The following NBAS variants were observed in gnomAD, a reference collection of about 807,000 sequenced individuals.
NBAS encodes the protein NAG/BC035112 fusion.
NBAS carries 219 observed loss-of-function variants against 302.5 expected under a neutral mutation model. The ratio of observed to expected loss-of-function variants is 0.72; its 90% CI spans 0.65 to 0.81. The LOEUF (loss-of-function observed/expected upper bound fraction) is 0.81, where lower values mean the gene tolerates loss of function less well. Ranked by LOEUF, NBAS falls within the 30% of genes least tolerant of loss-of-function variation. The pLI is 0.00. For missense variants in NBAS, 2,932 were observed against 2,841.6 expected (o/e 1.03, Z -0.72); for synonymous variants, 1,118 against 1,021.6 (o/e 1.09, Z -1.80).
chr2:15,071,345 G>A, the NBAS span, among the ~76,000 whole-genome samples: 2 of 152,312 alleles, frequency 1.3e-5, no homozygotes, highest in African/African-American at 2.4e-5. Flanking sequence ...CCACAAAGGG[G>A]CCGGGCGCGG....
chr2:14,874,453 C>G, the NBAS span, among the ~76,000 whole-genome samples: 1 of 142,264 alleles, frequency 7.0e-6, no homozygotes, highest in Non-Finnish European at 1.5e-5. Flanking sequence ...GGTGAAACCC[C>G]GTCTCTACTT....
intron 42 of NBAS, 96 bp from the exon 43 acceptor site, chr2:15,277,197 TC>T: frequency 6.9e-7 from 1 of 1,445,302 alleles, no homozygotes; most frequent in Non-Finnish European, 9.4e-7. Flanking sequence ...TTCTTATAGC[TC>T]CCTTCTTCCT....
intron 28 of NBAS, among the ~76,000 whole-genome samples, chr2:15,388,334 T>C (rs1296223675): frequency 1.3e-5 from 2 of 152,152 alleles, no homozygotes; most frequent in African/African-American, 4.8e-5. Context: ...AGGTATTTAA[T>C]GTGTTGATAC....
At chr2:15,160,349 G>A in the NBAS span, among the ~76,000 whole-genome samples, 1 of 152,222 alleles carries the variant, frequency 6.6e-6, no homozygotes, top group South Asian at 2.1e-4. Context: ...GGCAGGCGAT[G>A]AGAGAGAGAG....
the NBAS span, among the ~76,000 whole-genome samples, chr2:15,030,235 G>T: frequency 5.3e-5 from 8 of 152,274 alleles, no homozygotes; most frequent in African/African-American, 1.9e-4. Flanking sequence ...GCCTAGCAAT[G>T]AAAAAACAGG....
the NBAS span, among the ~76,000 whole-genome samples, chr2:14,837,258 T>C: frequency 4.6e-5 from 7 of 152,000 alleles, no homozygotes; most frequent in South Asian, 1.2e-3. Context: ...TTGTAGTAGA[T>C]GCCTATGCAA....
the NBAS span, among the ~76,000 whole-genome samples, chr2:14,831,023 G>A: frequency 1.3e-5 from 2 of 152,120 alleles, no homozygotes; most frequent in Non-Finnish European, 2.9e-5. Flanking sequence ...CATTGCCCAC[G>A]GCCTGGAAGC....
chr2:15,038,092 T>G, the NBAS span, among the ~76,000 whole-genome samples: 1 of 147,788 alleles, frequency 6.8e-6, no homozygotes, highest in Non-Finnish European at 1.5e-5. Flanking sequence ...TATATATATA[T>G]ATATGTCACT....
At chr2:14,842,683 C>T in the NBAS span, among the ~76,000 whole-genome samples, 3 of 151,818 alleles carry the variant, frequency 2.0e-5, no homozygotes, top group African/African-American at 7.2e-5. Flanking sequence ...AGTCAACCAT[C>T]AAAGAAAAGT....
chr2:14,970,877 G>C, the NBAS span, among the ~76,000 whole-genome samples: 1 of 152,162 alleles, frequency 6.6e-6, no homozygotes, highest in Non-Finnish European at 1.5e-5. Context: ...ATTAAAGCAA[G>C]GATTTGTTGT....
At chr2:14,810,203 T>C in the NBAS span, among the ~76,000 whole-genome samples, 2 of 152,216 alleles carry the variant, frequency 1.3e-5, no homozygotes, top group African/African-American at 4.8e-5. Flanking sequence ...GAAGGCACAA[T>C]TGGTTGTGAA....
the NBAS span, among the ~76,000 whole-genome samples, chr2:14,902,825 G>A: frequency 6.6e-6 from 1 of 152,128 alleles, no homozygotes; most frequent in Non-Finnish European, 1.5e-5. Context: ...GAAAGTCTGA[G>A]AAGAAGGGGT....
intron 31 of NBAS, among the ~76,000 whole-genome samples, chr2:15,373,712 A>G (rs1231520429): frequency 6.6e-6 from 1 of 152,216 alleles, no homozygotes; most frequent in Admixed American, 6.5e-5. Flanking sequence ...GAATGCCTCT[A>G]CTGGCTCATA....
At chr2:15,141,337 C>T in the NBAS span, among the ~76,000 whole-genome samples, 4 of 152,330 alleles carry the variant, frequency 2.6e-5, no homozygotes, top group South Asian at 8.3e-4. Context: ...CACACACTAG[C>T]TCATTTAGTA....
the NBAS span, among the ~76,000 whole-genome samples, chr2:14,966,131 G>A: frequency 6.6e-6 from 1 of 152,178 alleles, no homozygotes; most frequent in Non-Finnish European, 1.5e-5. Flanking sequence ...GACAAGGAAG[G>A]ATAAGTCCAA....
At chr2:15,121,664 C>G in the NBAS span, among the ~76,000 whole-genome samples, 7 of 151,976 alleles carry the variant, frequency 4.6e-5, no homozygotes, top group East Asian at 3.9e-4. Flanking sequence ...AGTACTGGGT[C>G]TTTGTCACCA....
At chr2:15,537,924 C>CTG (rs1281324218) in intron 7 of NBAS, among the ~76,000 whole-genome samples, 1 of 152,176 alleles carries the variant, frequency 6.6e-6, no homozygotes, top group African/African-American at 2.4e-5. Flanking sequence ...CCAATCACCC[C>CTG]TGAATGGTTC....
At chr2:14,847,941 A>C in the NBAS span, among the ~76,000 whole-genome samples, 3 of 152,246 alleles carry the variant, frequency 2.0e-5, no homozygotes. Context: ...TTCTCTGACC[A>C]CAATGGAATA....
chr2:15,542,672 A>G (rs1663907937), intron 6 of NBAS, among the ~76,000 whole-genome samples: 1 of 152,148 alleles, frequency 6.6e-6, no homozygotes, highest in Admixed American at 6.5e-5. Flanking sequence ...AAAAAAATCA[A>G]ACTTCAAAGC....
Sources: gnomAD v4.1 joint callset for allele counts (sites outside exome capture counted in the v4.1 genomes callset) on GRCh38, gnomAD v4.1.1 for gene constraint, MANE v1.5 for transcripts, NCBI Gene and HGNC (gene_info 2026-07-23, HGNC 2026-07-21) for gene names.